The following SHISA9 variants were observed in gnomAD, a reference collection of about 807,000 sequenced individuals.
The protein encoded by SHISA9 is shisa family member 9.
A neutral mutation model predicts 38.0 loss-of-function variants in SHISA9; 13 were observed. The ratio of observed to expected loss-of-function variants is 0.34; its 90% CI spans 0.22 to 0.54. SHISA9 has a LOEUF of 0.54. Ranked by LOEUF, SHISA9 falls within the 20% of genes least tolerant of loss-of-function variation. SHISA9 has a pLI of 0.91. For synonymous variants in SHISA9, 275 were observed against 242.0 expected, an observed-to-expected ratio of 1.14 and a Z score of -1.27; for missense variants, 538 against 575.8, an observed-to-expected ratio of 0.93 and a Z score of 0.67.
chr16:13,268,270 G>A, the SHISA9 span, among the ~76,000 whole-genome samples: 3 of 152,116 alleles, frequency 2.0e-5, no homozygotes, highest in African/African-American at 7.2e-5. Context: ...AGCACTTCAG[G>A]AGGCCAAGGC....
intron 2 of SHISA9, among the ~76,000 whole-genome samples, chr16:13,017,473 G>C (rs926102927): frequency 6.6e-6 from 1 of 152,184 alleles, no homozygotes; most frequent in Non-Finnish European, 1.5e-5. Context: ...TTTGCTGAAA[G>C]TCTCATAGCT....
chr16:13,546,998 T>C, the SHISA9 span, among the ~76,000 whole-genome samples: 27 of 152,314 alleles, frequency 1.8e-4, no homozygotes, highest in Non-Finnish European at 3.4e-4. Flanking sequence ...TGGGCCAACA[T>C]TCATCTCTTC....
At chr16:13,361,041 C>G in the SHISA9 span, among the ~76,000 whole-genome samples, 1 of 152,214 alleles carries the variant, frequency 6.6e-6, no homozygotes, top group Non-Finnish European at 1.5e-5. Flanking sequence ...CTTAGGTTCT[C>G]TTTTGGAGAG....
intron 2 of SHISA9, among the ~76,000 whole-genome samples, chr16:13,157,750 A>C (rs913051515): frequency 2.6e-5 from 4 of 152,082 alleles, no homozygotes; most frequent in Non-Finnish European, 5.9e-5. Context: ...CCTGTTCCCA[A>C]GGAGGGAGAC....
Position 13,235,554 on chromosome 16 carries a change from C to G in SHISA9, c.*145C>G. On this transcript the variant is annotated 3_prime_UTR_variant, in exon 5 of 5. Transcript: ENST00000558583. The stretch of plus-strand genomic sequence containing the variant: ...GAACCAACTCTAAACCTACTGGGGA[C>G]ACAGAGTCGCGCTTTTCCTAGGTCA... 1 of 1,059,600 alleles carries G rather than the reference C, an allele frequency of 9.4e-7. No individual in the cohort carries two copies. Among genetic ancestry groups the G allele is most frequent in the Non-Finnish European group, 1.3e-6 (1 of 758,324 alleles). The allele number at this position is 1,059,600 out of a possible 1,614,324, so 65.6% of individuals were successfully genotyped here.
At chr16:12,904,597 G>A (rs953948113) in intron 1 of SHISA9, among the ~76,000 whole-genome samples, 2 of 152,182 alleles carry the variant, frequency 1.3e-5, no homozygotes, top group Non-Finnish European at 2.9e-5. Context: ...GGGTCGGCCT[G>A]GTGGCAGAAT....
the SHISA9 span, among the ~76,000 whole-genome samples, chr16:13,332,834 T>C: frequency 1.3e-5 from 2 of 152,196 alleles, no homozygotes; most frequent in East Asian, 1.9e-4. Context: ...TGTCCTGATG[T>C]TACTCATGCC....
chr16:13,414,139 G>A, the SHISA9 span, among the ~76,000 whole-genome samples: 1 of 152,158 alleles, frequency 6.6e-6, no homozygotes, highest in Non-Finnish European at 1.5e-5. Flanking sequence ...CAAATGAGAT[G>A]GAGTTAGGTG....
chr16:13,350,938 C>T, the SHISA9 span, among the ~76,000 whole-genome samples: 119 of 152,170 alleles, frequency 7.8e-4, 1 homozygote, highest in African/African-American at 2.7e-3. Flanking sequence ...ACATGAAGCC[C>T]GCAATATTTT....
intron 2 of SHISA9, among the ~76,000 whole-genome samples, chr16:12,931,099 G>C (rs1023899537): frequency 6.6e-6 from 1 of 152,158 alleles, no homozygotes. Context: ...GTTCCGTCAC[G>C]AATGCTGGGA....
At chr16:13,246,638 C>G in the SHISA9 span, among the ~76,000 whole-genome samples, 1 of 152,130 alleles carries the variant, frequency 6.6e-6, no homozygotes, top group Non-Finnish European at 1.5e-5. Context: ...GGCTCTGAGC[C>G]TCAGTCAGCA....
intron 2 of SHISA9, among the ~76,000 whole-genome samples, chr16:13,197,926 T>C (rs1390847883): frequency 1.3e-5 from 2 of 152,190 alleles, no homozygotes; most frequent in Non-Finnish European, 1.5e-5. Flanking sequence ...GGCTCATGTC[T>C]GTAAGCCCAG....
At chr16:13,053,162 C>A (rs145491910) in intron 2 of SHISA9, among the ~76,000 whole-genome samples, 1 of 151,900 alleles carries the variant, frequency 6.6e-6, no homozygotes, top group Non-Finnish European at 1.5e-5. Context: ...GGGGTTTCGC[C>A]ATGTTGGCCA....
At position 13,080,250 on chromosome 16, in the gene SHISA9, G is replaced by A. The variant is rs544206687; in HGVS notation, c.692-123144G>A. On this transcript the variant is annotated intron_variant, in intron 2 of 4. Transcript: ENST00000558583. ...TAGCTGGGCGTGGTGGTGGGCGCCTGTAATCCCAGCTACTTGGGAGGCTGA... is the reference window on the plus strand; with the variant it reads ...TAGCTGGGCGTGGTGGTGGGCGCCTATAATCCCAGCTACTTGGGAGGCTGA... Among the ~76,000 whole-genome samples the A allele has an allele frequency of 3.3e-5, 5 of 152,308 alleles. No individual in the cohort carries two copies. The East Asian group carries it at 9.6e-4, about 29-fold the overall frequency.
At chr16:13,474,968 T>C in the SHISA9 span, among the ~76,000 whole-genome samples, 1 of 152,212 alleles carries the variant, frequency 6.6e-6, no homozygotes, top group Admixed American at 6.5e-5. Context: ...TAAACCAAGC[T>C]CAGGAGTTTT....
the SHISA9 span, among the ~76,000 whole-genome samples, chr16:13,424,170 C>G: frequency 6.6e-6 from 1 of 152,174 alleles, no homozygotes; most frequent in Admixed American, 6.5e-5. Flanking sequence ...TAGAATTTTC[C>G]TAACTCACGC....
chr16:13,248,364 C>T, the SHISA9 span, among the ~76,000 whole-genome samples: 9 of 152,116 alleles, frequency 5.9e-5, no homozygotes, highest in South Asian at 4.1e-4. Context: ...CTTCTCCTTC[C>T]CCCTTCTCCA....
chr16:13,544,602 A>C, the SHISA9 span, among the ~76,000 whole-genome samples: 1 of 151,742 alleles, frequency 6.6e-6, no homozygotes, highest in Non-Finnish European at 1.5e-5. Flanking sequence ...GGAACACATA[A>C]ATTTTGGAGC....
intron 2 of SHISA9, among the ~76,000 whole-genome samples, chr16:12,935,256 A>G (rs2071513973): frequency 6.6e-6 from 1 of 152,210 alleles, no homozygotes; most frequent in Non-Finnish European, 1.5e-5. Flanking sequence ...AAACCTCTAA[A>G]GACCCAAACA....
Sources: allele counts gnomAD v4.1 joint callset (sites outside exome capture counted in the v4.1 genomes callset), GRCh38; gene constraint gnomAD v4.1.1; transcripts MANE v1.5; gene names NCBI Gene and HGNC (gene_info 2026-07-23, HGNC 2026-07-21).